Variants in NUMB observed in about 807,000 individuals in gnomAD.
NUMB encodes NUMB endocytic adaptor protein.
In NUMB, 29 loss-of-function variants were observed where a neutral mutation model predicts 59.7. The ratio of observed to expected loss-of-function variants is 0.49; its 90% CI spans 0.36 to 0.66. The LOEUF (loss-of-function observed/expected upper bound fraction) is 0.66. NUMB is among the 30% of genes least tolerant of loss of function. The probability of loss-of-function intolerance (pLI) is 0.00; values close to 1 mark genes in which losing one functional copy is unlikely to be tolerated. For synonymous variants in NUMB, 288 were observed against 288.2 expected (o/e 1.00, Z 0.01); for missense variants, 723 against 822.0 (o/e 0.88, Z 1.47).
chr14:73,411,629 T>A lies in NUMB; in HGVS notation c.-232-1561A>T, dbSNP rs1341922479. On this transcript the variant is annotated intron_variant, in intron 1 of 12. Coordinates refer to ENST00000555238, the MANE Select transcript of NUMB (RefSeq NM_001005743.2). ...TAACTAAGTTTGCTCCACTTTATAT[T>A]CCTAGCATCTAGTACAATGCCTAAT... Among the ~76,000 whole-genome samples, 10 of 152,286 alleles carry A rather than the reference T, an allele frequency of 6.6e-5. No homozygotes were observed. In the South Asian group the frequency reaches 1.9e-3, roughly 28 times the overall value.
intron 2 of NUMB, among the ~76,000 whole-genome samples, chr14:73,388,295 T>C (rs1292116796): frequency 6.6e-6 from 1 of 152,192 alleles, no homozygotes; most frequent in Non-Finnish European, 1.5e-5. Context: ...AGTGTGAGAA[T>C]GGACTAATAC....
chr14:73,312,606 C>T (rs1003496414), intron 6 of NUMB, among the ~76,000 whole-genome samples: 3 of 151,678 alleles, frequency 2.0e-5, no homozygotes, highest in South Asian at 2.1e-4. Context: ...CCCAGCTACT[C>T]GAGAGGCTGT....
chr14:73,279,424 G>A lies in NUMB; in HGVS notation c.1097C>T (p.Ala366Val), dbSNP rs1185256376. Residue 366 changes from alanine (A) to valine (V), a missense_variant and splice_region_variant, in exon 12 of 13, where the codon GCT becomes GTT. Coordinates refer to ENST00000555238, the MANE Select transcript of NUMB (RefSeq NM_001005743.2). ...ATGGAAGGCTGAGTCAGTGCCATTA[G>A]CTACAACGGGAGCAGACAACATCAA... ...VVAPQSPTFQ[A>V]NGTDSAFHVL... 1 of 1,575,990 alleles carries A rather than the reference G, an allele frequency of 6.3e-7. No homozygotes were observed. Among genetic ancestry groups the A allele is most frequent in the Non-Finnish European group, 8.6e-7 (1 of 1,161,628 alleles).
At chr14:73,397,212 G>A (rs924856836) in intron 2 of NUMB, among the ~76,000 whole-genome samples, 1 of 152,136 alleles carries the variant, frequency 6.6e-6, no homozygotes, top group Non-Finnish European at 1.5e-5. Flanking sequence ...TCTGGGTGGA[G>A]GCCAAGAATA....
chr14:73,293,178 TC>T (rs1442720900), intron 7 of NUMB, among the ~76,000 whole-genome samples: 1 of 152,082 alleles, frequency 6.6e-6, no homozygotes, highest in Non-Finnish European at 1.5e-5. Flanking sequence ...GTATCTTTAA[TC>T]CTTTGGATAA....
intron 4 of NUMB, among the ~76,000 whole-genome samples, chr14:73,343,983 A>G (rs991494497): frequency 5.3e-4 from 81 of 152,250 alleles, no homozygotes; most frequent in Admixed American, 1.1e-3. Flanking sequence ...TTGGGGATAG[A>G]AGATAAGGTA....
chr14:73,276,885 G>A lies in NUMB; in HGVS notation c.1649C>T (p.Pro550Leu), dbSNP rs202241654. Reference sequence around the variant, plus strand: ...CCTGACCAGGCTGGGTGACTGATGGGGATGGGCAGCCTGAGGGTGGCCTGC... The same window carrying A: ...CCTGACCAGGCTGGGTGACTGATGGAGATGGGCAGCCTGAGGGTGGCCTGC... Reference protein sequence around the residue: ...GTAGHPQAAHPHQSPSLVRQQ... With the variant: ...GTAGHPQAAHLHQSPSLVRQQ... The change falls in exon 13 of 13, where the codon CCC becomes CTC. Residue 550 changes from proline (P) to leucine (L), a missense_variant. This residue lies in a region of NUMB where 406 missense variants were observed against 385.4 expected (regional missense o/e 1.05). Coordinates refer to ENST00000555238, the MANE Select transcript of NUMB (RefSeq NM_001005743.2). 4 of 1,614,054 alleles carry A rather than the reference G, an allele frequency of 2.5e-6. No individual in the cohort carries two copies. The highest frequency in any genetic ancestry group is 3.4e-6 in the Non-Finnish European group (4 of 1,179,938).
At chr14:73,394,434 T>C (rs78342026) in intron 2 of NUMB, among the ~76,000 whole-genome samples, 3 of 147,190 alleles carry the variant, frequency 2.0e-5, no homozygotes, top group South Asian at 4.3e-4. Flanking sequence ...GAGAGAGAGA[T>C]TGTCTCACTC....
At chr14:73,408,205 C>T (rs1178426028) in intron 2 of NUMB, among the ~76,000 whole-genome samples, 2 of 147,242 alleles carry the variant, frequency 1.4e-5, no homozygotes, top group African/African-American at 5.1e-5. Flanking sequence ...CCAGCCTGGG[C>T]GACAGAGCAA....
At chr14:73,438,309 C>T (rs1771905028) in intron 1 of NUMB, among the ~76,000 whole-genome samples, 1 of 151,926 alleles carries the variant, frequency 6.6e-6, no homozygotes, top group South Asian at 2.1e-4. Flanking sequence ...ATAATATATC[C>T]ATTAGTGGAA....
intron 2 of NUMB, among the ~76,000 whole-genome samples, chr14:73,402,662 C>T (rs1265352334): frequency 3.9e-5 from 6 of 152,184 alleles, no homozygotes; most frequent in African/African-American, 1.4e-4. Context: ...AAATTATCTC[C>T]TTCACACTTC....
chr14:73,445,354 CAAAAAAAA>C (rs752154048), intron 1 of NUMB, among the ~76,000 whole-genome samples: 30 of 57,522 alleles, frequency 5.2e-4, no homozygotes, highest in African/African-American at 1.5e-3. Flanking sequence ...GACCCTGTCT[CAAAAAAAA>C]AAAAAAAAAA....
Position 73,339,566 on chromosome 14 carries a change from G to T in NUMB, c.126+16060C>A, listed in dbSNP as rs559859274. ...TCCCATTTTTTGTTTTTGTTTTTTG[G>T]TTTTAAATAGACATGGGGTTTTGCT... On this transcript the variant is annotated intron_variant, in intron 4 of 12. Transcript: ENST00000555238. Among the ~76,000 whole-genome samples, 17 of 152,016 alleles carry T rather than the reference G, an allele frequency of 1.1e-4. No individual in the cohort carries two copies. The East Asian group carries it at 3.3e-3, about 29-fold the overall frequency.
intron 1 of NUMB, among the ~76,000 whole-genome samples, chr14:73,456,254 C>A (rs1282398256): frequency 6.6e-6 from 1 of 152,048 alleles, no homozygotes; most frequent in Non-Finnish European, 1.5e-5. Flanking sequence ...GGATTACAGG[C>A]ACGCGCCACC....
At chr14:73,353,896 T>C (rs1222680033) in intron 4 of NUMB, among the ~76,000 whole-genome samples, 1 of 152,096 alleles carries the variant, frequency 6.6e-6, no homozygotes, top group Admixed American at 6.6e-5. Context: ...TTCATTTTTA[T>C]GTAAGAGAAG....
chr14:73,447,421 G>A (rs919540932), intron 1 of NUMB, among the ~76,000 whole-genome samples: 1 of 152,092 alleles, frequency 6.6e-6, no homozygotes, highest in Non-Finnish European at 1.5e-5. Flanking sequence ...CCAAGAGGTG[G>A]AGGTTGCCAT....
At chr14:73,415,057 G>A (rs938586999) in intron 1 of NUMB, among the ~76,000 whole-genome samples, 1 of 152,190 alleles carries the variant, frequency 6.6e-6, no homozygotes, top group African/African-American at 2.4e-5. Flanking sequence ...CACAGAATAA[G>A]AACAGCTGAA....
intron 4 of NUMB, 102 bp downstream of exon 4, chr14:73,355,518 ATTTGTT>A: frequency 2.2e-6 from 2 of 909,778 alleles, no homozygotes; most frequent in Non-Finnish European, 3.1e-6. Context: ...ATGTGAAGGG[ATTTGTT>A]TTTTGGAAGA....
At chr14:73,369,769 C>T (rs1234200984) in intron 2 of NUMB, among the ~76,000 whole-genome samples, 2 of 152,126 alleles carry the variant, frequency 1.3e-5, no homozygotes, top group Non-Finnish European at 2.9e-5. Flanking sequence ...AAGAAGCATA[C>T]AAAGTGTAGA....
Sources: allele counts gnomAD v4.1 joint callset (sites outside exome capture counted in the v4.1 genomes callset), GRCh38; gene constraint gnomAD v4.1.1; regional missense constraint gnomAD v4.1.1; transcripts MANE v1.5; gene names NCBI Gene and HGNC (gene_info 2026-07-23, HGNC 2026-07-21).